The following PTPRD variants were observed in gnomAD, a reference collection of about 807,000 sequenced individuals.
The protein encoded by PTPRD is receptor-type tyrosine-protein phosphatase delta.
A neutral mutation model predicts 214.5 loss-of-function variants in PTPRD; 34 were observed. That is an observed-to-expected ratio of 0.16 (90% CI 0.12 to 0.21). The LOEUF (loss-of-function observed/expected upper bound fraction) is 0.21. Among genes scored for constraint, PTPRD ranks in the 10% least tolerant of loss-of-function variants. PTPRD has a pLI of 1.00. For missense variants in PTPRD, 2,545 were observed against 2,398.7 expected, an observed-to-expected ratio of 1.06 and a Z score of -1.27; for synonymous variants, 1,128 against 845.7, an observed-to-expected ratio of 1.33 and a Z score of -5.79.
intron 7 of PTPRD, among the ~76,000 whole-genome samples, chr9:9,716,557 G>A (rs1313025548): frequency 6.6e-6 from 1 of 152,158 alleles, no homozygotes; most frequent in Non-Finnish European, 1.5e-5. Context: ...TAACTGGTGT[G>A]AGATTGTATC....
intron 11 of PTPRD, among the ~76,000 whole-genome samples, chr9:8,770,190 G>A (rs1372646928): frequency 1.3e-5 from 2 of 152,068 alleles, no homozygotes; most frequent in Non-Finnish European, 2.9e-5. Context: ...CTGAGGCAGA[G>A]AGAATTGCTT....
intron 3 of PTPRD, among the ~76,000 whole-genome samples, chr9:10,326,600 A>G (rs1322350359): frequency 6.6e-6 from 1 of 151,598 alleles, no homozygotes; most frequent in Admixed American, 6.6e-5. Context: ...TTTTGGTTTT[A>G]TTGAATATTA....
chr9:9,314,442 A>G (rs1299803548), intron 9 of PTPRD, among the ~76,000 whole-genome samples: 2 of 152,152 alleles, frequency 1.3e-5, no homozygotes, highest in Non-Finnish European at 2.9e-5. Context: ...TAAATGTCCC[A>G]TCAAAGAATG....
chr9:9,260,304 C>G (rs1001911807), intron 9 of PTPRD, among the ~76,000 whole-genome samples: 3 of 151,786 alleles, frequency 2.0e-5, no homozygotes, highest in Non-Finnish European at 4.4e-5. Context: ...GGCACATGAT[C>G]TTGACTCCAA....
chr9:9,673,993 G>A (rs2096881295), intron 7 of PTPRD, among the ~76,000 whole-genome samples: 1 of 151,720 alleles, frequency 6.6e-6, no homozygotes, highest in Admixed American at 6.6e-5. Flanking sequence ...GCAAACAGTG[G>A]GAAAGTTTAG....
chr9:8,644,629 G>C (rs993930065), intron 12 of PTPRD, among the ~76,000 whole-genome samples: 3 of 152,202 alleles, frequency 2.0e-5, no homozygotes, highest in African/African-American at 7.2e-5. Context: ...TTGTTTCCAA[G>C]TTTCCAGGTG....
At chr9:9,731,789 T>C (rs1317510911) in intron 7 of PTPRD, among the ~76,000 whole-genome samples, 2 of 152,170 alleles carry the variant, frequency 1.3e-5, no homozygotes, top group Non-Finnish European at 2.9e-5. Context: ...AAGGTTATTT[T>C]TTAAGTAAAG....
chr9:9,905,835 A>G (rs1410219137), intron 5 of PTPRD, among the ~76,000 whole-genome samples: 1 of 152,018 alleles, frequency 6.6e-6, no homozygotes, highest in Non-Finnish European at 1.5e-5. Context: ...AGAGAACTAA[A>G]CAGAACATAG....
chr9:9,758,531 C>A (rs1382365997), intron 6 of PTPRD, among the ~76,000 whole-genome samples: 2 of 152,102 alleles, frequency 1.3e-5, no homozygotes, highest in East Asian at 3.9e-4. Context: ...GTGTGAGTTC[C>A]AGGTTCTCAG....
chr9:9,517,593 T>C (rs947673485), intron 8 of PTPRD, among the ~76,000 whole-genome samples: 2 of 152,040 alleles, frequency 1.3e-5, no homozygotes, highest in East Asian at 1.9e-4. Context: ...TTAGAAACAC[T>C]GGCATGTGGC....
intron 11 of PTPRD, among the ~76,000 whole-genome samples, chr9:8,804,789 T>C (rs2096642878): frequency 2.0e-5 from 3 of 152,170 alleles, no homozygotes; most frequent in Admixed American, 2.0e-4. Flanking sequence ...AACTGCGACA[T>C]GATCCCTAGC....
chr9:9,402,981 A>G (rs888179191), intron 8 of PTPRD, among the ~76,000 whole-genome samples: 3 of 147,336 alleles, frequency 2.0e-5, no homozygotes, highest in African/African-American at 5.0e-5. Context: ...AAAAAAAAAA[A>G]AAAAAAAACA....
intron 4 of PTPRD, among the ~76,000 whole-genome samples, chr9:10,029,088 A>G (rs1166586695): frequency 6.6e-6 from 1 of 152,182 alleles, no homozygotes; most frequent in African/African-American, 2.4e-5. Context: ...TGCAAGGCCC[A>G]AGTCTTGGCA....
chr9:9,416,248 A>G (rs907341328), intron 8 of PTPRD, among the ~76,000 whole-genome samples: 1 of 152,160 alleles, frequency 6.6e-6, no homozygotes, highest in East Asian at 1.9e-4. Context: ...TAGAGAACTC[A>G]TTCTAAAATG....
intron 6 of PTPRD, among the ~76,000 whole-genome samples, chr9:9,747,543 T>G (rs1448352472): frequency 1.5e-4 from 2 of 13,100 alleles, no homozygotes; most frequent in Non-Finnish European, 3.4e-4. Context: ...TTTTTTGTTT[T>G]TTTTTTTTTT....
chr9:9,999,431 C>A (rs1364251377), intron 4 of PTPRD, among the ~76,000 whole-genome samples: 1 of 152,180 alleles, frequency 6.6e-6, no homozygotes, highest in Non-Finnish European at 1.5e-5. Flanking sequence ...TTCTGCCCTT[C>A]CCTCTCAAAA....
chr9:9,596,439 T>C (rs1354117031), intron 7 of PTPRD, among the ~76,000 whole-genome samples: 2 of 152,048 alleles, frequency 1.3e-5, no homozygotes, highest in Non-Finnish European at 2.9e-5. Context: ...TATTTTCTAC[T>C]GTTCACTTTG....
chr9:10,273,767 G>A (rs945691314), intron 3 of PTPRD, among the ~76,000 whole-genome samples: 27 of 152,222 alleles, frequency 1.8e-4, no homozygotes, highest in East Asian at 1.2e-3. Context: ...AAATGTCACA[G>A]TGTAGACTAT....
rs141255147 is a variant in PTPRD, at chr9:8,521,427, A to G, written c.811T>C (p.Leu271=). ...TCAGGTGTCAGATCTTCTGCCCCCA[A>G]CATCCACTTTACATAAGGCATTGGT... ...GSPMPYVKWM[L]GAEDLTPEDD... is the part of the protein sequence containing the mutation. The change falls in exon 20 of 46, where the codon TTG becomes CTG. Residue 271 remains leucine, a synonymous_variant. Transcript: ENST00000381196. 17 of 1,613,890 alleles carry G rather than the reference A, an allele frequency of 1.1e-5. No homozygotes were observed. Among genetic ancestry groups the G allele is most frequent in the Admixed American group, 3.3e-5 (2 of 59,996 alleles).
Sources: allele counts gnomAD v4.1 joint callset (sites outside exome capture counted in the v4.1 genomes callset), GRCh38; gene constraint gnomAD v4.1.1; transcripts MANE v1.5; gene names NCBI Gene and HGNC (gene_info 2026-07-23, HGNC 2026-07-21).